Variants in PDE11A observed in about 807,000 individuals in gnomAD.
The protein encoded by PDE11A is phosphodiesterase 11A, also known as dual 3',5'-cyclic-AMP and -GMP phosphodiesterase 11A.
Under a neutral mutation model 100.5 loss-of-function variants are expected in PDE11A, and 100 were observed. That is an observed-to-expected ratio of 1.00 (90% CI 0.85 to 1.18). The LOEUF (loss-of-function observed/expected upper bound fraction) is 1.18. PDE11A is among the 50% of genes most tolerant of loss of function. PDE11A has a pLI of 0.00. For synonymous variants in PDE11A, 381 were observed against 420.8 expected, an observed-to-expected ratio of 0.91 and a Z score of 1.16; for missense variants, 1,141 against 1,152.6, an observed-to-expected ratio of 0.99 and a Z score of 0.15.
At chr2:178,043,501 GAGA>G (rs1279117325) in intron 1 of PDE11A, among the ~76,000 whole-genome samples, 15 of 152,166 alleles carry the variant, frequency 9.9e-5, no homozygotes, top group African/African-American at 3.6e-4. Context: ...TAGACAAGCG[GAGA>G]CATAAGAGTC....
intron 10 of PDE11A, among the ~76,000 whole-genome samples, chr2:177,743,200 C>T (rs2081899557): frequency 1.3e-5 from 2 of 152,180 alleles, no homozygotes; most frequent in Non-Finnish European, 2.9e-5. Flanking sequence ...GGGTGAAACT[C>T]AAGTTTTAAA....
intron 19 of PDE11A, among the ~76,000 whole-genome samples, chr2:177,644,108 AG>A (rs2080185415): frequency 6.6e-6 from 1 of 152,230 alleles, no homozygotes; most frequent in African/African-American, 2.4e-5. Context: ...CCCCACACAG[AG>A]TCCCCACCTG....
chr2:177,829,309 C>T (rs1184158374), intron 6 of PDE11A, among the ~76,000 whole-genome samples: 1 of 151,984 alleles, frequency 6.6e-6, no homozygotes, highest in Non-Finnish European at 1.5e-5. Context: ...ATACATACTT[C>T]TATACATTAT....
At chr2:178,040,761 C>T (rs2086673791) in intron 1 of PDE11A, among the ~76,000 whole-genome samples, 1 of 152,162 alleles carries the variant, frequency 6.6e-6, no homozygotes, top group African/African-American at 2.4e-5. Flanking sequence ...TTGACATTAC[C>T]ATTTATTACA....
chr2:177,662,795 A>G (rs1213402702), intron 19 of PDE11A, among the ~76,000 whole-genome samples: 1 of 151,180 alleles, frequency 6.6e-6, no homozygotes, highest in Non-Finnish European at 1.5e-5. Flanking sequence ...TTTTTGTTAT[A>G]GTTATCAAAA....
At chr2:177,631,918 T>C (rs2079956185) in intron 19 of PDE11A, among the ~76,000 whole-genome samples, 2 of 152,040 alleles carry the variant, frequency 1.3e-5, no homozygotes, top group Admixed American at 1.3e-4. Flanking sequence ...ACTGTGCATC[T>C]TACAGATGAT....
At chr2:177,811,798 G>T (rs1390784934) in intron 9 of PDE11A, among the ~76,000 whole-genome samples, 3 of 152,102 alleles carry the variant, frequency 2.0e-5, no homozygotes, top group African/African-American at 7.2e-5. Context: ...TACAGACAAT[G>T]GGCCTGCATT....
chr2:178,088,922 G>A (rs1302831692), intron 2 of PDE11A, among the ~76,000 whole-genome samples: 1 of 152,192 alleles, frequency 6.6e-6, no homozygotes, highest in African/African-American at 2.4e-5. Context: ...CAACTGTAAA[G>A]AGTTGTAAAA....
chr2:177,673,104 C>T (rs980889646), intron 17 of PDE11A, among the ~76,000 whole-genome samples: 18 of 152,112 alleles, frequency 1.2e-4, no homozygotes, highest in African/African-American at 4.3e-4. Flanking sequence ...CAAATAAATA[C>T]AGAAAATCTA....
At chr2:177,684,333 C>T (rs993131355) in intron 15 of PDE11A, among the ~76,000 whole-genome samples, 1 of 152,120 alleles carries the variant, frequency 6.6e-6, no homozygotes, top group African/African-American at 2.4e-5. Flanking sequence ...GAGGCACTCA[C>T]CTGGGGCACA....
intron 2 of PDE11A, among the ~76,000 whole-genome samples, chr2:177,964,828 A>T (rs1272065685): frequency 6.6e-6 from 1 of 152,088 alleles, no homozygotes; most frequent in Non-Finnish European, 1.5e-5. Flanking sequence ...GCTGCGATGA[A>T]CGTGCATGTA....
chr2:177,853,711 TGTTTG>T (rs1398879822), intron 5 of PDE11A, among the ~76,000 whole-genome samples: 1 of 14,354 alleles, frequency 7.0e-5, no homozygotes, highest in Non-Finnish European at 1.8e-4. Flanking sequence ...TGTGTGTGTG[TGTTTG>T]TGTGTGTGTG....
intron 2 of PDE11A, among the ~76,000 whole-genome samples, chr2:177,926,469 T>C (rs2105759318): frequency 6.6e-6 from 1 of 152,252 alleles, no homozygotes; most frequent in South Asian, 2.1e-4. Context: ...ATCTCCTCAA[T>C]CTTTATGTTA....
intron 19 of PDE11A, among the ~76,000 whole-genome samples, chr2:177,658,987 G>A (rs1488762954): frequency 6.6e-6 from 1 of 151,870 alleles, no homozygotes; most frequent in Non-Finnish European, 1.5e-5. Flanking sequence ...GGCTGGGCAT[G>A]GTGGCTCACA....
intron 12 of PDE11A, among the ~76,000 whole-genome samples, chr2:177,722,209 C>T (rs1033761706): frequency 5.3e-5 from 8 of 152,180 alleles, no homozygotes; most frequent in African/African-American, 1.7e-4. Flanking sequence ...AGCCTATGTC[C>T]GTGAGCAAGA....
At chr2:177,737,775 G>A (rs2081813699) in intron 10 of PDE11A, among the ~76,000 whole-genome samples, 1 of 152,202 alleles carries the variant, frequency 6.6e-6, no homozygotes, top group South Asian at 2.1e-4. Context: ...TCATTAATAT[G>A]TTGTGTAATT....
At chr2:177,842,588 G>T (rs995423915) in intron 5 of PDE11A, among the ~76,000 whole-genome samples, 4 of 152,174 alleles carry the variant, frequency 2.6e-5, no homozygotes, top group Non-Finnish European at 5.9e-5. Flanking sequence ...TTTAAGATGT[G>T]ATTTTAGAAA....
At chr2:177,774,309 C>T (rs1301201475) in intron 9 of PDE11A, among the ~76,000 whole-genome samples, 1 of 152,162 alleles carries the variant, frequency 6.6e-6, no homozygotes, top group Non-Finnish European at 1.5e-5. Flanking sequence ...TGGCCATATC[C>T]CATTTACTCC....
chr2:177,913,994 G>A (rs2084917146), intron 2 of PDE11A, among the ~76,000 whole-genome samples: 1 of 152,032 alleles, frequency 6.6e-6, no homozygotes, highest in South Asian at 2.1e-4. Flanking sequence ...CCCACTAACA[G>A]TAATCAGAGG....
Sources: gnomAD v4.1 joint callset for allele counts (sites outside exome capture counted in the v4.1 genomes callset) on GRCh38, gnomAD v4.1.1 for gene constraint, MANE v1.5 for transcripts, NCBI Gene and HGNC (gene_info 2026-07-23, HGNC 2026-07-21) for gene names.